The following LMO7 variants were observed in gnomAD, a reference collection of about 807,000 sequenced individuals.
The protein encoded by LMO7 is LIM domain only protein 7.
Under a neutral mutation model 206.5 loss-of-function variants are expected in LMO7, and 120 were observed. That is an observed-to-expected ratio of 0.58 (90% CI 0.50 to 0.68). The LOEUF (loss-of-function observed/expected upper bound fraction) is 0.68, where lower values mean the gene tolerates loss of function less well. Ranked by LOEUF, LMO7 falls within the 30% of genes least tolerant of loss-of-function variation. The pLI, the probability that LMO7 is intolerant of heterozygous loss-of-function variation, is 0.00. For synonymous variants in LMO7, 706 were observed against 681.5 expected, an observed-to-expected ratio of 1.04 and a Z score of -0.56; for missense variants, 1,959 against 1,957.9, an observed-to-expected ratio of 1.00 and a Z score of -0.01.
chr13:75,630,502 G>A (rs2034775456), intron 2 of LMO7, among the ~76,000 whole-genome samples: 2 of 152,116 alleles, frequency 1.3e-5, no homozygotes, highest in African/African-American at 4.8e-5. Context: ...ATGAAACACC[G>A]TCTCTACAAA....
intron 2 of LMO7, among the ~76,000 whole-genome samples, chr13:75,625,429 G>A (rs2033904729): frequency 4.9e-4 from 1 of 2,054 alleles, no homozygotes; most frequent in African/African-American, 6.9e-4. Context: ...GTGTGTGCAT[G>A]TGTGTGTGTG....
intron 11 of LMO7, among the ~76,000 whole-genome samples, chr13:75,811,226 T>TG (rs2056358496): frequency 6.6e-6 from 1 of 150,524 alleles, no homozygotes; most frequent in Non-Finnish European, 1.5e-5. Context: ...TTTTTTTTTT[T>TG]AAGAGATGGA....
At chr13:75,653,252 A>G (rs2037752526) in intron 1 of LMO7, among the ~76,000 whole-genome samples, 1 of 152,242 alleles carries the variant, frequency 6.6e-6, no homozygotes. Context: ...GTGTCCTGCA[A>G]ATAAGAAAAC....
At chr13:75,772,813 T>TA (rs1250251896) in intron 4 of LMO7, among the ~76,000 whole-genome samples, 1 of 152,102 alleles carries the variant, frequency 6.6e-6, no homozygotes, top group Non-Finnish European at 1.5e-5. Context: ...TACAGAGAGT[T>TA]AGAGTGCTTT....
intron 4 of LMO7, among the ~76,000 whole-genome samples, chr13:75,784,254 A>G (rs1357191801): frequency 6.6e-6 from 1 of 152,300 alleles, no homozygotes; most frequent in East Asian, 1.9e-4. Context: ...TATTATCTCG[A>G]TTAACCTTTG....
chr13:75,803,298 G>A (rs1403499537), intron 7 of LMO7, among the ~76,000 whole-genome samples: 1 of 152,204 alleles, frequency 6.6e-6, no homozygotes, highest in Non-Finnish European at 1.5e-5. Flanking sequence ...GAGGGGAAGA[G>A]ACTGCATTTA....
rs112512807 is a variant in LMO7 at position 75,735,116 on chromosome 13, C to CGTGTGT, written c.210+8039_210+8044dup. Among the ~76,000 whole-genome samples the CGTGTGT allele has an allele frequency of 1.6e-3, 237 of 145,660 alleles. 1 individual carries two copies. The highest frequency in any genetic ancestry group is 5.6e-3 in the African/African-American group (219 of 39,282). ...CCGTCTCAAAAAAAAAAAAAAATTA[C>CGTGTGT]GTGTGTGTGTGTGTGTGTGTGTGTG... On this transcript the variant is annotated intron_variant, in intron 3 of 30. Transcript: ENST00000377534.
At chr13:75,741,794 G>A (rs1022556525) in intron 3 of LMO7, among the ~76,000 whole-genome samples, 10 of 152,122 alleles carry the variant, frequency 6.6e-5, no homozygotes, top group African/African-American at 2.4e-4. Context: ...GGCAAAAGCT[G>A]GAAGCATTGC....
At chr13:75,720,907 ATATT>A (rs1453740299) in intron 2 of LMO7, among the ~76,000 whole-genome samples, 6 of 152,182 alleles carry the variant, frequency 3.9e-5, no homozygotes, top group African/African-American at 1.4e-4. Flanking sequence ...GTTATCATAA[ATATT>A]TATATTGAAT....
chr13:75,678,429 A>G (rs543401924), intron 1 of LMO7, among the ~76,000 whole-genome samples: 29 of 152,326 alleles, frequency 1.9e-4, no homozygotes, highest in Non-Finnish European at 3.5e-4. Context: ...TGGCTGCACA[A>G]ATATCTTCTT....
chr13:75,733,041 G>A (rs1377043442), intron 3 of LMO7, among the ~76,000 whole-genome samples: 1 of 152,170 alleles, frequency 6.6e-6, no homozygotes, highest in Non-Finnish European at 1.5e-5. Context: ...CTACTGGGGG[G>A]TGCCTCCCAG....
intron 1 of LMO7, among the ~76,000 whole-genome samples, chr13:75,681,718 G>GTATATGTATA (rs1555293392): frequency 1.9e-5 from 2 of 104,580 alleles, no homozygotes; most frequent in East Asian, 2.7e-4. Flanking sequence ...ATATATATAT[G>GTATATGTATA]TATATATATA....
At chr13:75,827,353 G>A (rs996647346) in intron 15 of LMO7, among the ~76,000 whole-genome samples, 1 of 152,170 alleles carries the variant, frequency 6.6e-6, no homozygotes, top group Non-Finnish European at 1.5e-5. Context: ...AAGTCTGGAA[G>A]CAGAGACTGG....
At chr13:75,697,597 T>G (rs1316526028) in intron 1 of LMO7, among the ~76,000 whole-genome samples, 2 of 152,210 alleles carry the variant, frequency 1.3e-5, no homozygotes, top group Non-Finnish European at 2.9e-5. Flanking sequence ...GAGATTTGGG[T>G]GGGGACACAG....
chr13:75,739,711 G>A (rs557413312), intron 3 of LMO7, among the ~76,000 whole-genome samples: 1 of 152,228 alleles, frequency 6.6e-6, no homozygotes, highest in South Asian at 2.1e-4. Context: ...CTGACACATC[G>A]GGTTGTTCCT....
chr13:75,723,889 G>T (rs1208692901), intron 2 of LMO7, among the ~76,000 whole-genome samples: 2 of 152,122 alleles, frequency 1.3e-5, no homozygotes, highest in African/African-American at 4.8e-5. Context: ...TCTGGAGGCT[G>T]GGAAGTTCAA....
intron 1 of LMO7, among the ~76,000 whole-genome samples, chr13:75,641,645 C>G (rs935096942): frequency 1.2e-4 from 18 of 152,110 alleles, no homozygotes; most frequent in African/African-American, 4.1e-4. Flanking sequence ...CTTTTTTCCT[C>G]TCACTTTTTC....
chr13:75,841,379 T>C (rs533002960), intron 23 of LMO7, among the ~76,000 whole-genome samples, 178 bp downstream of exon 23: 2 of 152,292 alleles, frequency 1.3e-5, no homozygotes, highest in East Asian at 3.9e-4. Flanking sequence ...TTGCAGCCTT[T>C]CTCCTAGTTT....
In LMO7 at chr13:75,842,895, C is replaced by T. The variant is rs964080367; in HGVS notation, c.4076C>T (p.Ser1359Leu). Residue 1359 changes from serine (S) to leucine (L), a missense_variant, in exon 25 of 31, where the codon TCA becomes TTA. Transcript: ENST00000377534. ...YDIPKTEEASSGFLPGDRNKS... is the reference protein window; with the variant it reads ...YDIPKTEEASLGFLPGDRNKS... ...ATACCAAAGACAGAAGAAGCATCTT[C>T]AGGTTTTCTTCCTGGTGACAGGTAT... 6 of 1,606,006 alleles carry T rather than the reference C, an allele frequency of 3.7e-6. No individual in the cohort carries two copies. The highest frequency in any genetic ancestry group is 5.1e-6 in the Non-Finnish European group (6 of 1,173,030).
Sources: gnomAD v4.1 joint callset for allele counts (sites outside exome capture counted in the v4.1 genomes callset) on GRCh38, gnomAD v4.1.1 for gene constraint, MANE v1.5 for transcripts, NCBI Gene and HGNC (gene_info 2026-07-23, HGNC 2026-07-21) for gene names.